Variants in ELOVL5 observed in about 807,000 individuals in gnomAD.
ELOVL5 encodes ELOVL fatty acid elongase 5.
Under a neutral mutation model 38.6 loss-of-function variants are expected in ELOVL5, and 8 were observed. The ratio of observed to expected loss-of-function variants is 0.21; its 90% CI spans 0.12 to 0.37. The LOEUF (loss-of-function observed/expected upper bound fraction) is 0.37. ELOVL5 is among the 10% of genes least tolerant of loss of function. The pLI is 1.00. For synonymous variants in ELOVL5, 127 were observed against 133.7 expected (o/e 0.95, Z 0.34); for missense variants, 280 against 367.8 (o/e 0.76, Z 1.95).
At chr6:53,287,853 AAC>A in intron 3 of ELOVL5, 2 of 1,535,432 alleles carry the variant, frequency 1.3e-6, no homozygotes, top group South Asian at 1.2e-5. Context: ...TGCACTGCAC[AAC>A]ACTGACCCTG....
chr6:53,302,509 G>A (rs942456399), intron 1 of ELOVL5, among the ~76,000 whole-genome samples: 1 of 152,180 alleles, frequency 6.6e-6, no homozygotes, highest in African/African-American at 2.4e-5. Flanking sequence ...ACGTCTCAAG[G>A]AGAGTGCAAA....
rs1359398372 is a variant in ELOVL5 at position 53,285,130 on chromosome 6, G to GGAAAGCTGAGACAGGAC, written c.246+6629_246+6645dup. 7.2e-5 allele frequency among the ~76,000 whole-genome samples: 11 copies of GGAAAGCTGAGACAGGAC among 152,316 alleles called. No homozygotes were observed. The South Asian group carries it at 1.5e-3, about 20-fold the overall frequency. ...ATTAAGCTTAGTGAGGAAGGCAGGT[G>GGAAAGCTGAGACAGGAC]GAAAGCTGAGACAGGACGAAAGCTG... On this transcript the variant is annotated intron_variant, in intron 3 of 7. Transcript: ENST00000304434.
At chr6:53,274,731 T>C (rs1362710801) in intron 5 of ELOVL5, among the ~76,000 whole-genome samples, 2 of 152,214 alleles carry the variant, frequency 1.3e-5, no homozygotes, top group Admixed American at 1.3e-4. Context: ...TGCTCCCTGG[T>C]ACTCATGCAA....
At chr6:53,297,382 A>G in intron 1 of ELOVL5, among the ~76,000 whole-genome samples, 1 of 152,210 alleles carries the variant, frequency 6.6e-6, no homozygotes, top group Non-Finnish European at 1.5e-5. Flanking sequence ...AATTCCAGAA[A>G]TAAACAATTC....
chr6:53,275,135 G>T lies in ELOVL5; in HGVS notation c.451C>A (p.Leu151Met). Residue 151 changes from leucine to methionine, a missense_variant, in exon 5 of 8, where the codon CTG becomes ATG. Transcript: ENST00000304434. ...VLHVYHHASM[L>M]NIWWFVMNWV... ...TTCATCACAAACCACCAGATGTTCA[G>T]CATCGAGGCATGGTGGTAGACGTGC... is the stretch of plus-strand genomic sequence containing the variant. 1 of 1,614,144 alleles carries T rather than the reference G, an allele frequency of 6.2e-7. No individual in the cohort carries two copies. Among genetic ancestry groups the T allele is most frequent in the Non-Finnish European group, 8.5e-7 (1 of 1,180,024 alleles).
chr6:53,330,152 C>T (rs1364686404), intron 1 of ELOVL5, among the ~76,000 whole-genome samples: 2 of 152,150 alleles, frequency 1.3e-5, no homozygotes, highest in African/African-American at 4.8e-5. Context: ...ATGGTACAAC[C>T]TATTGCTCCT....
intron 1 of ELOVL5, among the ~76,000 whole-genome samples, chr6:53,346,850 T>A (rs1030449742): frequency 6.6e-6 from 1 of 152,218 alleles, no homozygotes; most frequent in Non-Finnish European, 1.5e-5. Context: ...GAAAAAAAGA[T>A]TCTTGCAAAC....
chr6:53,324,243 A>C (rs2127588737), intron 1 of ELOVL5, among the ~76,000 whole-genome samples: 1 of 131,472 alleles, frequency 7.6e-6, no homozygotes. Context: ...ACAGAACGAG[A>C]CTCTACCTCA....
At chr6:53,331,380 A>G (rs190669974) in intron 1 of ELOVL5, among the ~76,000 whole-genome samples, 2 of 152,168 alleles carry the variant, frequency 1.3e-5, no homozygotes, top group Admixed American at 1.3e-4. Context: ...AAATACAAAA[A>G]CCAGTAACAT....
At chr6:53,327,036 C>T (rs1768578030) in intron 1 of ELOVL5, among the ~76,000 whole-genome samples, 1 of 152,160 alleles carries the variant, frequency 6.6e-6, no homozygotes. Context: ...TAGATGAGCT[C>T]ATGTTTCCAC....
At chr6:53,316,889 C>G (rs942884813) in intron 1 of ELOVL5, among the ~76,000 whole-genome samples, 1 of 152,000 alleles carries the variant, frequency 6.6e-6, no homozygotes, top group African/African-American at 2.4e-5. Context: ...ATTATAGTCT[C>G]GTGTATGTTT....
intron 3 of ELOVL5, chr6:53,276,874 C>T (rs1581922230): frequency 6.6e-6 from 1 of 151,794 alleles, no homozygotes; most frequent in Non-Finnish European, 1.5e-5. Flanking sequence ...TACAATCCTC[C>T]GGATCCATGA....
In ELOVL5 at chr6:53,319,311, A is replaced by C. The variant is rs60483218; in HGVS notation, c.-8-23604T>G. Among the ~76,000 whole-genome samples the C allele has an allele frequency of 4.5e-3, 614 of 137,264 alleles. 16 individuals carry two copies. Among genetic ancestry groups the C allele is most frequent in the Admixed American group, 0.045 (475 of 10,636 alleles). The allele number at this position is 137,264 out of a possible 152,430, so 90.1% of individuals were successfully genotyped here. On this transcript the variant is annotated intron_variant, in intron 1 of 7. Coordinates refer to ENST00000304434, the MANE Select transcript of ELOVL5 (RefSeq NM_021814.5). ...AAAAAAAAAAAAAAAAAAAAAAAAA[A>C]AAAAAGAAAGAAAGAAAAAGGAAAT...
chr6:53,348,857 A>G lies in ELOVL5; in HGVS notation c.-49T>C. On this transcript the variant is annotated 5_prime_UTR_variant, in exon 1 of 8. Coordinates refer to ENST00000304434, the MANE Select transcript of ELOVL5 (RefSeq NM_021814.5). ...GCGGCAGCAGCTTTGAGCAGCAGCA[A>G]GGCGGCGGCGGCGGAGGGAGCGCGG... is the stretch of plus-strand genomic sequence containing the variant. 2 of 458,514 alleles carry G rather than the reference A, an allele frequency of 4.4e-6. No homozygotes were observed. The highest frequency in any genetic ancestry group is 3.1e-5 in the South Asian group (2 of 65,148). The allele number at this position is 458,514 out of a possible 1,614,324, so 28.4% of individuals were successfully genotyped here.
At chr6:53,302,990 T>A (rs1767321314) in intron 1 of ELOVL5, among the ~76,000 whole-genome samples, 1 of 152,190 alleles carries the variant, frequency 6.6e-6, no homozygotes, top group Non-Finnish European at 1.5e-5. Flanking sequence ...TCCTTGCATT[T>A]TCTCTTCTCT....
chr6:53,304,281 G>A (rs1482187254), intron 1 of ELOVL5, among the ~76,000 whole-genome samples: 1 of 152,118 alleles, frequency 6.6e-6, no homozygotes, highest in Non-Finnish European at 1.5e-5. Context: ...ATTTCCTCGG[G>A]GAAAACTTTC....
chr6:53,287,139 A>G (rs1766601601), intron 3 of ELOVL5, among the ~76,000 whole-genome samples: 2 of 152,222 alleles, frequency 1.3e-5, no homozygotes, highest in South Asian at 4.1e-4. Flanking sequence ...AGCTTTTTCA[A>G]AATTACAAAT....
chr6:53,270,986 A>G (rs980806141), intron 6 of ELOVL5, among the ~76,000 whole-genome samples: 14 of 152,236 alleles, frequency 9.2e-5, no homozygotes, highest in African/African-American at 3.1e-4. Flanking sequence ...GATACACTAT[A>G]GAGACATCCA....
chr6:53,288,759 C>T (rs1177363950), intron 3 of ELOVL5, among the ~76,000 whole-genome samples: 1 of 152,150 alleles, frequency 6.6e-6, no homozygotes, highest in Non-Finnish European at 1.5e-5. Flanking sequence ...TGATCATCTC[C>T]CTTCTTTCAA....
Sources: gnomAD v4.1 joint callset for allele counts (sites outside exome capture counted in the v4.1 genomes callset) on GRCh38, gnomAD v4.1.1 for gene constraint, MANE v1.5 for transcripts, NCBI Gene and HGNC (gene_info 2026-07-23, HGNC 2026-07-21) for gene names.